Variants in TM9SF2 observed in about 807,000 individuals in gnomAD.
TM9SF2 encodes the protein 76 kDa membrane protein.
TM9SF2 carries 13 observed loss-of-function variants against 84.9 expected under a neutral mutation model. That is an observed-to-expected ratio of 0.15 (90% CI 0.10 to 0.24). The LOEUF (loss-of-function observed/expected upper bound fraction) is 0.24. Ranked by LOEUF, TM9SF2 falls within the 10% of genes least tolerant of loss-of-function variation. The pLI, the probability that TM9SF2 is intolerant of heterozygous loss-of-function variation, is 1.00. For missense variants in TM9SF2, 562 were observed against 818.5 expected (o/e 0.69, Z 3.82); for synonymous variants, 273 against 285.8 (o/e 0.96, Z 0.45).
intron 13 of TM9SF2, among the ~76,000 whole-genome samples, chr13:99,553,612 G>C (rs929430050): frequency 6.6e-6 from 1 of 152,126 alleles, no homozygotes; most frequent in Non-Finnish European, 1.5e-5. Context: ...AAAATATCAA[G>C]TTTTAAATTT....
chr13:99,515,921 G>A (rs1337409141), intron 1 of TM9SF2, among the ~76,000 whole-genome samples: 2 of 152,026 alleles, frequency 1.3e-5, no homozygotes, highest in African/African-American at 2.4e-5. Context: ...TAGTAGAAAC[G>A]GGGTTTCGCC....
chr13:99,544,698 G>A (rs9513627), intron 10 of TM9SF2, among the ~76,000 whole-genome samples: 129,651 of 152,106 alleles, frequency 0.85, 55,781 homozygotes, highest in Middle Eastern at 0.91. Flanking sequence ...AAGGGATGGG[G>A]CAGGAAGCAC....
At chr13:99,533,643 A>G (rs1437882133) in intron 4 of TM9SF2, among the ~76,000 whole-genome samples, 8 of 152,060 alleles carry the variant, frequency 5.3e-5, no homozygotes. Context: ...TAAATTGACG[A>G]ATACTTTTTA....
intron 15 of TM9SF2, 73 bp from the exon 16 acceptor site, chr13:99,559,289 CT>C: frequency 3.0e-6 from 4 of 1,328,122 alleles, no homozygotes; most frequent in Non-Finnish European, 4.1e-6. Flanking sequence ...ATTATGCTTG[CT>C]TTGAACCTTA....
Position 99,536,680 on chromosome 13 carries a change from T to G in TM9SF2, c.534T>G (p.Phe178Leu). Reference protein sequence around the residue: ...EDGQRFCNPGFPIGCYITDKG... With the variant: ...EDGQRFCNPGLPIGCYITDKG... The stretch of plus-strand genomic sequence containing the variant: ...GTCAGAGGTTCTGTAATCCTGGATT[T>G]CCTATTGGCTGTTACATTACAGATA... The change falls in exon 5 of 17, where the codon TTT becomes TTG. Residue 178 changes from phenylalanine (F) to leucine (L), a missense_variant. By Grantham distance (22) the Phe-to-Leu change is conservative (BLOSUM62 0). This residue lies in a region of TM9SF2 where 267 missense variants were observed against 316.7 expected (regional missense o/e 0.84). Transcript: ENST00000376387. 1.2e-6 allele frequency: 2 copies of G among 1,613,818 alleles called. No homozygotes were observed. Among genetic ancestry groups the G allele is most frequent in the Non-Finnish European group, 1.7e-6 (2 of 1,179,774 alleles).
At chr13:99,503,580 G>T (rs554888010) in intron 1 of TM9SF2, among the ~76,000 whole-genome samples, 2 of 151,978 alleles carry the variant, frequency 1.3e-5, no homozygotes, top group Non-Finnish European at 2.9e-5. Context: ...GTGGTGGCGG[G>T]CATCTGTAAT....
chr13:99,555,757 A>G (rs1280265779), intron 15 of TM9SF2, 110 bp downstream of exon 15: 2 of 643,104 alleles, frequency 3.1e-6, no homozygotes, highest in Non-Finnish European at 5.1e-6. Context: ...GTTTATTATG[A>G]TAGACATTGA....
rs1566570545 is a variant in TM9SF2, at chr13:99,541,619, A to G, written c.969A>G (p.Leu323=). ...FLSGMVAMIM[L]RTLHKDIARY... ...CTGGAATGGTAGCTATGATTATGTT[A>G]CGGACACTGCACAAAGATATTGCTA... The change falls in exon 9 of 17, where the codon TTA becomes TTG. Residue 323 remains leucine (L), a synonymous_variant. Coordinates refer to ENST00000376387, the MANE Select transcript of TM9SF2 (RefSeq NM_004800.3). The G allele has an allele frequency of 6.2e-7, 1 of 1,613,376 alleles. No individual in the cohort carries two copies. The highest frequency in any genetic ancestry group is 1.7e-5 in the Admixed American group (1 of 59,990).
At position 99,563,873 on chromosome 13, in the gene TM9SF2, A is replaced by G. The variant is rs1052613842; in HGVS notation, c.*1115A>G. The G allele has an allele frequency of 3.9e-5, 6 of 152,186 alleles. No individual in the cohort carries two copies. Among genetic ancestry groups the G allele is most frequent in the Admixed American group, 3.9e-4 (6 of 15,278 alleles). 9.4% of individuals were successfully genotyped at this position (152,186 alleles called of 1,614,324 possible). A position where few individuals can be genotyped will look rare whatever the true frequency, so the allele number is the denominator to read the frequency against. ...TAATTGAAATCCATTTATGTAGAAT[A>G]TAGGAATGGGGGGTGATTCTGAAGT... On this transcript the variant is annotated 3_prime_UTR_variant, in exon 17 of 17. Transcript: ENST00000376387.
At position 99,554,345 on chromosome 13, in the gene TM9SF2, G is replaced by T; in HGVS notation, c.1530G>T (p.Gln510His). The T allele has an allele frequency of 6.2e-7, 1 of 1,613,976 alleles. No individual in the cohort carries two copies. Among genetic ancestry groups the T allele is most frequent in the South Asian group, 1.1e-5 (1 of 91,050 alleles). ...TTCGAACCAATCAGATTCCACGTCA[G>T]ATTCCTGAACAGTCGTTCTACACGA... ...HPVRTNQIPR[Q>H]IPEQSFYTKP... is the part of the protein sequence containing the mutation. The change falls in exon 14 of 17, where the codon CAG (glutamine) becomes CAT (histidine). Residue 510 changes from glutamine to histidine, a missense_variant. Gln to His is a conservative substitution (Grantham distance 24). Transcript: ENST00000376387.
rs569963577 is a variant in TM9SF2 at position 99,539,452 on chromosome 13, A to G, written c.723A>G (p.Lys241=). 2.5e-5 allele frequency: 40 copies of G among 1,606,084 alleles called. No individual in the cohort carries two copies. The East Asian group carries it at 7.4e-4, about 30-fold the overall frequency. Residue 241 remains lysine (K), a synonymous_variant, in exon 7 of 17, where the codon AAA becomes AAG. Coordinates refer to ENST00000376387, the MANE Select transcript of TM9SF2 (RefSeq NM_004800.3). The stretch of plus-strand genomic sequence containing the variant: ...AAAATGTTTCTTCCCACAGCTTCAA[A>G]CATACCCATATAGATAAACCAGACT... The part of the protein sequence containing the change: ...VAAKLEPKSF[K]HTHIDKPDCS...
intron 3 of TM9SF2, among the ~76,000 whole-genome samples, chr13:99,527,699 T>C (rs1169596656): frequency 1.3e-5 from 2 of 152,230 alleles, no homozygotes; most frequent in Non-Finnish European, 2.9e-5. Context: ...CCCTCAGATA[T>C]GGACTTTGAT....
At chr13:99,557,419 A>G (rs2046329021) in intron 15 of TM9SF2, among the ~76,000 whole-genome samples, 1 of 152,124 alleles carries the variant, frequency 6.6e-6, no homozygotes, top group African/African-American at 2.4e-5. Context: ...TTTATTCTGA[A>G]TAGTAGATCT....
At chr13:99,550,752 T>C (rs1308785323) in intron 12 of TM9SF2, among the ~76,000 whole-genome samples, 3 of 152,174 alleles carry the variant, frequency 2.0e-5, no homozygotes, top group African/African-American at 7.2e-5. Flanking sequence ...CCTTTGATAA[T>C]ATTGAGCATT....
At chr13:99,545,260 C>T (rs1019247811) in intron 10 of TM9SF2, among the ~76,000 whole-genome samples, 2 of 152,040 alleles carry the variant, frequency 1.3e-5, no homozygotes, top group African/African-American at 4.8e-5. Flanking sequence ...GTATCATTTT[C>T]AAATGTCTGG....
intron 4 of TM9SF2, 134 bp from the exon 5 acceptor site, chr13:99,536,474 A>G (rs1382418999): frequency 3.7e-6 from 4 of 1,070,890 alleles, no homozygotes; most frequent in Non-Finnish European, 5.4e-6. Flanking sequence ...TTTCATTAAC[A>G]TTCTTTGTGG....
chr13:99,558,880 C>G (rs983121966), intron 15 of TM9SF2, among the ~76,000 whole-genome samples: 25 of 152,144 alleles, frequency 1.6e-4, no homozygotes, highest in Non-Finnish European at 8.8e-5. Flanking sequence ...CACTTAAAAG[C>G]AAGAAGAGCT....
intron 1 of TM9SF2, 119 bp downstream of exon 1, chr13:99,501,896 GT>G: frequency 3.6e-6 from 5 of 1,394,752 alleles, no homozygotes; most frequent in Non-Finnish European, 4.8e-6. Flanking sequence ...GTGGGGTTGA[GT>G]TTCCCCAGAA....
chr13:99,524,062 A>T (rs1360385521), intron 3 of TM9SF2, among the ~76,000 whole-genome samples: 1 of 152,206 alleles, frequency 6.6e-6, no homozygotes, highest in Non-Finnish European at 1.5e-5. Flanking sequence ...GGCAGTGGGC[A>T]CAGAGAAGTA....
Sources: allele counts gnomAD v4.1 joint callset (sites outside exome capture counted in the v4.1 genomes callset), GRCh38; gene constraint gnomAD v4.1.1; regional missense constraint gnomAD v4.1.1; transcripts MANE v1.5; gene names NCBI Gene and HGNC (gene_info 2026-07-23, HGNC 2026-07-21).